LGALS4: variants seen among roughly 807,000 people sequenced by gnomAD.
LGALS4 encodes galectin-4.
A neutral mutation model predicts 39.6 loss-of-function variants in LGALS4; 37 were observed. The ratio of observed to expected loss-of-function variants is 0.93; its 90% CI spans 0.72 to 1.23. The LOEUF (loss-of-function observed/expected upper bound fraction) is 1.23. LGALS4 is among the 50% of genes most tolerant of loss of function. The pLI, the probability that LGALS4 is intolerant of heterozygous loss-of-function variation, is 0.00. For missense variants in LGALS4, 397 were observed against 433.2 expected (o/e 0.92, Z 0.74); for synonymous variants, 160 against 165.5 (o/e 0.97, Z 0.25).
chr19:38,802,308 C>T lies in LGALS4; in HGVS notation c.659+8G>A, dbSNP rs757385638. 2.0e-5 allele frequency: 32 copies of T among 1,613,128 alleles called. No individual in the cohort carries two copies. Among genetic ancestry groups the T allele is most frequent in the East Asian group, 2.2e-5 (1 of 44,886 alleles). On this transcript the variant is annotated splice_region_variant and intron_variant, in intron 8 of 9. Transcript: ENST00000307751. ...GGGCTGGGGGTTCCCACCTAGTTTA[C>T]GTTATACCTCTTGCCTGTGGGAGGC...
At chr19:38,811,948 G>A (rs546821569) in intron 2 of LGALS4, among the ~76,000 whole-genome samples, 6 of 152,038 alleles carry the variant, frequency 3.9e-5, no homozygotes, top group Middle Eastern at 3.4e-3. Flanking sequence ...GGGAGACAGA[G>A]GTTGCAGTGA....
At position 38,812,881 on chromosome 19, in the gene LGALS4, G is replaced by A. The variant is rs147217462; in HGVS notation, c.6C>T (p.Ala2=). The A allele has an allele frequency of 2.1e-3, 3,316 of 1,611,962 alleles. 17 individuals are homozygous for A. Among genetic ancestry groups the A allele is most frequent in the Non-Finnish European group, 2.4e-3 (2,871 of 1,179,958 alleles). Residue 2 remains alanine (A), a synonymous_variant, in exon 1 of 10, where the codon GCC becomes GCT. Coordinates refer to ENST00000307751, the MANE Select transcript of LGALS4 (RefSeq NM_006149.4). M[A]YVPAPGYQPT... ...GCTGGTAGCCCGGTGCGGGGACATA[G>A]GCCATCGCTCGAGGCTGCGCTAGTG...
intron 2 of LGALS4, among the ~76,000 whole-genome samples, chr19:38,810,198 T>C (rs1355299560): frequency 6.6e-6 from 1 of 151,982 alleles, no homozygotes; most frequent in Non-Finnish European, 1.5e-5. Context: ...CTTTGTCACC[T>C]AGGCTGGAGT....
At chr19:38,807,795 G>A (rs914595228) in intron 3 of LGALS4, among the ~76,000 whole-genome samples, 2 of 152,212 alleles carry the variant, frequency 1.3e-5, no homozygotes, top group Non-Finnish European at 2.9e-5. Context: ...AAATTCTTCT[G>A]CCTTGAGTTG....
intron 2 of LGALS4, among the ~76,000 whole-genome samples, chr19:38,809,934 C>T (rs113086860): frequency 5.3e-5 from 8 of 152,222 alleles, no homozygotes; most frequent in African/African-American, 1.9e-4. Context: ...TTCCCTCATG[C>T]AGCCAGAGGG....
At chr19:38,812,621 A>C (rs1256491513) in intron 1 of LGALS4, 102 bp from the exon 2 acceptor site, 10 of 1,127,532 alleles carry the variant, frequency 8.9e-6, no homozygotes, top group African/African-American at 1.5e-5. Context: ...GAGAGAGGAA[A>C]CCATGGGGGA....
intron 4 of LGALS4, among the ~76,000 whole-genome samples, chr19:38,805,156 C>G (rs971617397): frequency 7.7e-6 from 1 of 129,170 alleles, no homozygotes; most frequent in South Asian, 2.8e-4. Flanking sequence ...AGAGCCAGAC[C>G]CTGCCTCAAA....
chr19:38,807,279 G>C (rs1409741387), intron 3 of LGALS4, among the ~76,000 whole-genome samples: 1 of 151,958 alleles, frequency 6.6e-6, no homozygotes, highest in African/African-American at 2.4e-5. Context: ...AATGTGAGAG[G>C]ATCACCTGAG....
chr19:38,811,699 C>T (rs990033162), intron 2 of LGALS4, among the ~76,000 whole-genome samples: 5 of 151,376 alleles, frequency 3.3e-5, no homozygotes, highest in African/African-American at 7.3e-5. Context: ...TCATTATCAA[C>T]GTGTTAAGGC....
At chr19:38,810,048 C>G (rs1971474480) in intron 2 of LGALS4, among the ~76,000 whole-genome samples, 1 of 152,230 alleles carries the variant, frequency 6.6e-6, no homozygotes, top group Non-Finnish European at 1.5e-5. Context: ...TTTGCACTGG[C>G]TGTTCCCTCT....
At position 38,802,083 on chromosome 19, in the gene LGALS4, G is replaced by A; in HGVS notation, c.734C>T (p.Thr245Ile). The part of the protein sequence containing the change: ...LHINPRMGNG[T>I]VVRNSLLNGS... ...ATTCAGAAGGCTGTTCCGGACCACG[G>A]TACCGTTGCCCATGCGGGGATTAAT... is the stretch of plus-strand genomic sequence containing the variant. The change falls in exon 9 of 10, where the codon ACC (threonine) becomes ATC (isoleucine). Residue 245 changes from threonine (T) to isoleucine (I), a missense_variant. Transcript: ENST00000307751. The A allele has an allele frequency of 1.9e-6, 3 of 1,614,202 alleles. No individual in the cohort carries two copies. The highest frequency in any genetic ancestry group is 2.5e-6 in the Non-Finnish European group (3 of 1,180,034).
At position 38,803,905 on chromosome 19, in the gene LGALS4, C is replaced by T; in HGVS notation, c.475-10G>A. 6.2e-7 allele frequency: 1 copy of T among 1,606,438 alleles called. No individual in the cohort carries two copies. ...GCATCATCGGGGGTCCCTGTGGGCACAGAAAGAGAAAGCGGTTATGAGAGG... is the reference window on the plus strand; with the variant it reads ...GCATCATCGGGGGTCCCTGTGGGCATAGAAAGAGAAAGCGGTTATGAGAGG... On this transcript the variant is annotated splice_polypyrimidine_tract_variant and intron_variant, in intron 4 of 9. Transcript: ENST00000307751.
Position 38,806,597 on chromosome 19 carries a change from T to C in LGALS4, c.340-2A>G, listed in dbSNP as rs1486654422. 6.2e-7 allele frequency: 1 copy of C among 1,613,396 alleles called. No homozygotes were observed. The highest frequency in any genetic ancestry group is 1.3e-5 in the African/African-American group (1 of 74,936). ...GAAGGGATTTCCATTTACCACCACC[T>C]GGAGGGCAGAGATGGGAGGTCAGGA... On this transcript the variant is annotated splice_acceptor_variant, in intron 3 of 9. Coordinates refer to ENST00000307751, the MANE Select transcript of LGALS4 (RefSeq NM_006149.4). LOFTEE classifies it high-confidence loss of function.
Position 38,802,419 on chromosome 19 carries a change from C to G in LGALS4, c.571-15G>C. ...TATGGCACAGGCTGTGGGAAGAGAA[C>G]GGGGGGTCCCATTCTCTCTCAGCTT... On this transcript the variant is annotated splice_polypyrimidine_tract_variant and intron_variant, in intron 7 of 9. Coordinates refer to ENST00000307751, the MANE Select transcript of LGALS4 (RefSeq NM_006149.4). The G allele has an allele frequency of 6.3e-7, 1 of 1,599,238 alleles. No individual in the cohort carries two copies. The highest frequency in any genetic ancestry group is 8.6e-7 in the Non-Finnish European group (1 of 1,166,450).
Position 38,808,922 on chromosome 19 carries a change from T to C in LGALS4, c.161A>G (p.Gln54Arg). The C allele has an allele frequency of 6.2e-7, 1 of 1,613,250 alleles. No homozygotes were observed. Among genetic ancestry groups the C allele is most frequent in the South Asian group, 1.1e-5 (1 of 90,968 alleles). The change falls in exon 3 of 10, where the codon CAG becomes CGG. Residue 54 changes from glutamine (Q) to arginine (R), a missense_variant. Gln to Arg is a conservative substitution (Grantham distance 43, BLOSUM62 1). Coordinates refer to ENST00000307751, the MANE Select transcript of LGALS4 (RefSeq NM_006149.4). ...KRFFVNFVVG[Q>R]DPGSDVAFHF... ...GAAGGCGACGTCTGAGCCCGGATCCTGCCCAACCACAAAGTTCACGAAGAA... is the reference window on the plus strand; with the variant it reads ...GAAGGCGACGTCTGAGCCCGGATCCCGCCCAACCACAAAGTTCACGAAGAA...
Position 38,803,777 on chromosome 19 carries a change from G to C in LGALS4, c.505C>G (p.Pro169Ala), listed in dbSNP as rs1231455675. The C allele has an allele frequency of 6.2e-7, 1 of 1,613,680 alleles. No homozygotes were observed. The highest frequency in any genetic ancestry group is 2.2e-5 in the East Asian group (1 of 44,810). Residue 169 changes from proline to alanine, a missense_variant, in exon 6 of 10, where the codon CCC becomes GCC. By Grantham distance (27) the Pro-to-Ala change is conservative. Coordinates refer to ENST00000307751, the MANE Select transcript of LGALS4 (RefSeq NM_006149.4). ...TTCAGCTGTTGATGGCAATGTCCGG[G>C]ACCCTGAACGATGGACAGAAGGCAG... ...GPPMMPPYPG[P>A]GHCHQQLNSL... is the part of the protein sequence containing the mutation.
chr19:38,803,305 C>T, intron 7 of LGALS4: 1 of 604,742 alleles, frequency 1.7e-6, no homozygotes, highest in Non-Finnish European at 3.0e-6. Context: ...GCGTGAGCCA[C>T]CATGTCCAGC....
intron 6 of LGALS4, 33 bp from the exon 7 acceptor site, chr19:38,803,584 C>T: frequency 1.2e-6 from 2 of 1,612,514 alleles, no homozygotes; most frequent in Non-Finnish European, 1.7e-6. Context: ...TATTATTCTC[C>T]AAGAGTCGAC....
chr19:38,808,649 AAAG>A (rs1287353179), intron 3 of LGALS4, 92 bp downstream of exon 3: 4 of 969,736 alleles, frequency 4.1e-6, no homozygotes, highest in Non-Finnish European at 6.1e-6. Context: ...AAAAAGAAAG[AAAG>A]AAAGAAAAGG....
Sources: gnomAD v4.1 joint callset for allele counts (sites outside exome capture counted in the v4.1 genomes callset) on GRCh38, gnomAD v4.1.1 for gene constraint, MANE v1.5 for transcripts, NCBI Gene and HGNC (gene_info 2026-07-23, HGNC 2026-07-21) for gene names.